Variants in CEP85L observed in about 807,000 individuals in gnomAD.
The protein encoded by CEP85L is centrosomal protein 85L.
CEP85L carries 60 observed loss-of-function variants against 100.3 expected under a neutral mutation model. The ratio of observed to expected loss-of-function variants is 0.60; its 90% CI spans 0.49 to 0.74. The LOEUF (loss-of-function observed/expected upper bound fraction) is 0.74, where lower values mean the gene tolerates loss of function less well. Among genes scored for constraint, CEP85L ranks in the 30% least tolerant of loss-of-function variants. The pLI, the probability that CEP85L is intolerant of heterozygous loss-of-function variation, is 0.00. For missense variants in CEP85L, 973 were observed against 936.2 expected (o/e 1.04, Z -0.51); for synonymous variants, 319 against 322.7 (o/e 0.99, Z 0.12).
At chr6:118,494,701 C>T (rs900218982) in intron 5 of CEP85L, among the ~76,000 whole-genome samples, 1 of 152,194 alleles carries the variant, frequency 6.6e-6, no homozygotes, top group African/African-American at 2.4e-5. Flanking sequence ...CTTCCCTGCA[C>T]ACTTTACCAC....
chr6:118,661,859 C>T (rs1775984384), intron 1 of CEP85L, among the ~76,000 whole-genome samples: 1 of 152,162 alleles, frequency 6.6e-6, no homozygotes, highest in South Asian at 2.1e-4. Flanking sequence ...GCACTAAAGC[C>T]ACCTCATAAA....
chr6:118,473,472 T>C (rs1773118194), intron 10 of CEP85L, among the ~76,000 whole-genome samples: 3 of 151,738 alleles, frequency 2.0e-5, no homozygotes, highest in Admixed American at 2.0e-4. Context: ...TGGCTGAGAA[T>C]AGTAGGAGAA....
intron 12 of CEP85L, among the ~76,000 whole-genome samples, chr6:118,466,551 C>T (rs183668256): frequency 3.7e-4 from 56 of 152,244 alleles, no homozygotes; most frequent in Admixed American, 6.5e-4. Flanking sequence ...TGCTTGTTCA[C>T]TGGGTTGGCC....
chr6:118,626,315 T>C (rs995864342), intron 2 of CEP85L, among the ~76,000 whole-genome samples: 1 of 152,188 alleles, frequency 6.6e-6, no homozygotes, highest in African/African-American at 2.4e-5. Flanking sequence ...AGTTTTCCTG[T>C]ATGCCCCACT....
chr6:118,626,379 G>C (rs1296989678), intron 2 of CEP85L, among the ~76,000 whole-genome samples: 1 of 152,110 alleles, frequency 6.6e-6, no homozygotes, highest in African/African-American at 2.4e-5. Flanking sequence ...ATTTTTCTGT[G>C]ATCAGCGGAC....
chr6:118,554,223 G>A (rs546793723), intron 3 of CEP85L, among the ~76,000 whole-genome samples: 1 of 152,188 alleles, frequency 6.6e-6, no homozygotes, highest in African/African-American at 2.4e-5. Flanking sequence ...GGGAAGTTGA[G>A]GTGCAGTGAG....
Position 118,698,568 on chromosome 6 carries a change from C to T in CEP85L, c.-28+11468G>A, listed in dbSNP as rs1031132867. 4.0e-5 allele frequency among the ~76,000 whole-genome samples: 6 copies of T among 150,280 alleles called. No homozygotes were observed. In the East Asian group the frequency reaches 5.8e-4, roughly 15 times the overall value. On this transcript the variant is annotated intron_variant, in intron 1 of 13. Transcript: ENST00000368488. ...AAAAAAAAAGGATTGTCCAGATGAA[C>T]GCTGCAATCAATATCCCATAGTATG... is the stretch of plus-strand genomic sequence containing the variant.
At chr6:118,613,003 G>C (rs957171465) in intron 2 of CEP85L, among the ~76,000 whole-genome samples, 4 of 151,996 alleles carry the variant, frequency 2.6e-5, no homozygotes, top group African/African-American at 9.7e-5. Context: ...CGGATCGCCT[G>C]AAGTCAGGAG....
In CEP85L at chr6:118,465,976, GC is replaced by G. The variant is rs1201620279; in HGVS notation, c.2255-409del. ...TTTACGACTGCAAAGTGGGTTTACT[GC>G]CATGAAAATATTAATTTTCAAATAC... On this transcript the variant is annotated intron_variant, in intron 12 of 12. Coordinates refer to ENST00000368491, the MANE Select transcript of CEP85L (RefSeq NM_001042475.3). Among the ~76,000 whole-genome samples, 4 of 152,192 alleles carry G rather than the reference GC, an allele frequency of 2.6e-5. No individual in the cohort carries two copies. In the South Asian group the frequency reaches 8.3e-4, roughly 32 times the overall value.
rs565993603 is a variant in CEP85L, at chr6:118,632,113, TCAAGTAGCTGGGACTA to T, written c.232+324_232+339del. On this transcript the variant is annotated intron_variant, in intron 2 of 12. Transcript: ENST00000368491. ...CACGCCATTCTCGTGCCTCAGCCTC[TCAAGTAGCTGGGACTA>T]CAGGCGCCCGCCACCACGTCCAGCT... is the stretch of plus-strand genomic sequence containing the variant. Among the ~76,000 whole-genome samples, 565 of 152,162 alleles carry T rather than the reference TCAAGTAGCTGGGACTA, an allele frequency of 3.7e-3. 5 individuals are homozygous for T. The Middle Eastern group carries it at 0.037, about 10-fold the overall frequency.
At chr6:118,531,142 T>C (rs1425342617) in intron 3 of CEP85L, among the ~76,000 whole-genome samples, 1 of 152,154 alleles carries the variant, frequency 6.6e-6, no homozygotes, top group Non-Finnish European at 1.5e-5. Flanking sequence ...AGCATGGTAC[T>C]GGTACAGAAA....
intron 1 of CEP85L, among the ~76,000 whole-genome samples, chr6:118,640,616 C>T (rs1164748666): frequency 2.0e-5 from 3 of 152,096 alleles, no homozygotes; most frequent in Non-Finnish European, 4.4e-5. Context: ...CATTCATCCC[C>T]CAGGTTCAAG....
chr6:118,567,905 T>C (rs1779648260), intron 2 of CEP85L, among the ~76,000 whole-genome samples: 1 of 152,240 alleles, frequency 6.6e-6, no homozygotes, highest in Non-Finnish European at 1.5e-5. Flanking sequence ...AGTTATCATA[T>C]TCAAGACTGC....
rs1195616596 is a variant in CEP85L, at chr6:118,566,078, T to C, written c.471A>G (p.Ser157=). Reference sequence around the variant, plus strand: ...CCGGGGCAGTGAGTTTGGATAAAGATGACCATTTCCGAAGTGGCCGGAAGT... The same window carrying C: ...CCGGGGCAGTGAGTTTGGATAAAGACGACCATTTCCGAAGTGGCCGGAAGT... The part of the protein sequence containing the change: ...MKDFRPLRKW[S]SLSKLTAPDN... The change falls in exon 3 of 13, where the codon TCA becomes TCG. Residue 157 remains serine (S), a synonymous_variant. Coordinates refer to ENST00000368491, the MANE Select transcript of CEP85L (RefSeq NM_001042475.3). 6 of 1,614,230 alleles carry C rather than the reference T, an allele frequency of 3.7e-6. No homozygotes were observed. The highest frequency in any genetic ancestry group is 3.3e-4 in the Middle Eastern group (2 of 6,062).
intron 3 of CEP85L, among the ~76,000 whole-genome samples, chr6:118,562,207 A>C (rs1779263990): frequency 6.6e-6 from 1 of 152,214 alleles, no homozygotes; most frequent in Non-Finnish European, 1.5e-5. Flanking sequence ...TTAAAGCCAG[A>C]ACAGGGTACA....
intron 5 of CEP85L, chr6:118,502,233 G>A (rs751729623): frequency 1.2e-4 from 78 of 630,812 alleles, no homozygotes; most frequent in Non-Finnish European, 1.7e-4. Flanking sequence ...CTTATGTACC[G>A]CATTATGACT....
intron 3 of CEP85L, among the ~76,000 whole-genome samples, chr6:118,538,568 G>A (rs190964000): frequency 7.2e-5 from 11 of 151,926 alleles, no homozygotes; most frequent in Admixed American, 2.0e-4. Context: ...ATATATCATC[G>A]GTTAGTATTA....
intron 2 of CEP85L, among the ~76,000 whole-genome samples, chr6:118,600,303 GTGT>G (rs1562297814): frequency 0.03 from 1,024 of 33,894 alleles, 184 homozygotes; most frequent in Admixed American, 0.034. Context: ...TCCTGGGGGT[GTGT>G]GTGTGTGTGT....
At chr6:118,570,500 A>G (rs948156924) in intron 2 of CEP85L, among the ~76,000 whole-genome samples, 1 of 152,202 alleles carries the variant, frequency 6.6e-6, no homozygotes, top group Non-Finnish European at 1.5e-5. Context: ...AATCAATTTC[A>G]CATCAGACTA....
Sources: gnomAD v4.1 joint callset for allele counts (sites outside exome capture counted in the v4.1 genomes callset) on GRCh38, gnomAD v4.1.1 for gene constraint, MANE v1.5 for transcripts, NCBI Gene and HGNC (gene_info 2026-07-23, HGNC 2026-07-21) for gene names.